Variants in RASGRF1 observed in about 807,000 individuals in gnomAD.
RASGRF1 encodes the protein ras-specific guanine nucleotide-releasing factor 1.
A neutral mutation model predicts 138.7 loss-of-function variants in RASGRF1; 40 were observed. That is an observed-to-expected ratio of 0.29 (90% confidence interval 0.22 to 0.38). The LOEUF (loss-of-function observed/expected upper bound fraction) is 0.38. RASGRF1 is among the 10% of genes least tolerant of loss of function. RASGRF1 has a pLI of 1.00. For synonymous variants in RASGRF1, 614 were observed against 663.2 expected (o/e 0.93, Z 1.14); for missense variants, 1,108 against 1,650.4 (o/e 0.67, Z 5.69).
chr15:79,077,536 A>G (rs908877036), intron 1 of RASGRF1, among the ~76,000 whole-genome samples: 5 of 152,200 alleles, frequency 3.3e-5, no homozygotes, highest in African/African-American at 1.2e-4. Flanking sequence ...CACACAACGT[A>G]GGATCCAGCC....
intron 5 of RASGRF1, among the ~76,000 whole-genome samples, chr15:79,041,590 T>C (rs1371123138): frequency 1.3e-5 from 2 of 152,236 alleles, no homozygotes; most frequent in Non-Finnish European, 2.9e-5. Flanking sequence ...GTAGGACTGC[T>C]GTTGGAAGGA....
chr15:79,005,963 G>C (rs2056663358), intron 14 of RASGRF1, among the ~76,000 whole-genome samples: 1 of 152,132 alleles, frequency 6.6e-6, no homozygotes, highest in Non-Finnish European at 1.5e-5. Context: ...AGCTGAGACT[G>C]AGCAGTAGCA....
chr15:79,025,599 A>G lies in RASGRF1; in HGVS notation c.1382-125T>C, dbSNP rs933428255. On this transcript the variant is annotated intron_variant, in intron 9 of 26. Transcript: ENST00000558480. ...CAAGTCCATTCTGTTTCCCAGTAGCAAATGTGCCCCTGGGATACTCCTTTA... is the reference window on the plus strand; with the variant it reads ...CAAGTCCATTCTGTTTCCCAGTAGCGAATGTGCCCCTGGGATACTCCTTTA... 8.4e-6 allele frequency: 10 copies of G among 1,191,726 alleles called. No individual in the cohort carries two copies. The African/African-American group carries it at 1.5e-4, about 18-fold the overall frequency. The allele number at this position is 1,191,726 out of a possible 1,614,324, so 73.8% of individuals were successfully genotyped here.
intron 3 of RASGRF1, among the ~76,000 whole-genome samples, chr15:79,052,446 C>G (rs1286468210): frequency 1.3e-5 from 2 of 152,212 alleles, no homozygotes; most frequent in African/African-American, 4.8e-5. Flanking sequence ...CATCCAAGCC[C>G]AACAGGTGCC....
Position 79,046,234 on chromosome 15 carries a change from T to C in RASGRF1, c.878+512A>G, listed in dbSNP as rs981452635. Among the ~76,000 whole-genome samples, 2 of 152,326 alleles carry C rather than the reference T, an allele frequency of 1.3e-5. No individual in the cohort carries two copies. Among genetic ancestry groups the C allele is most frequent in the East Asian group, 1.9e-4 (1 of 5,184 alleles). ...CAACCTGGCCTCCAGGTCATTATGA[T>C]GGTATCAAGGTCAAAGAATAAGGTA... On this transcript the variant is annotated intron_variant, in intron 5 of 26. Coordinates refer to ENST00000558480, the MANE Select transcript of RASGRF1 (RefSeq NM_001145648.3). This position sits in a 1 kb window ranked among gnomAD's most constrained non-coding sequence, Gnocchi z 5.3.
chr15:79,082,740 C>T (rs901715324), intron 1 of RASGRF1, among the ~76,000 whole-genome samples: 1 of 152,216 alleles, frequency 6.6e-6, no homozygotes, highest in Admixed American at 6.5e-5. Flanking sequence ...AAAGCTCCTG[C>T]AGCAATCATC....
chr15:79,034,213 T>A (rs2057186126), intron 6 of RASGRF1, among the ~76,000 whole-genome samples: 1 of 151,994 alleles, frequency 6.6e-6, no homozygotes. Flanking sequence ...TTCCTTTACT[T>A]CCCTAAGCCA....
chr15:79,013,997 C>A (rs2056839685), intron 13 of RASGRF1, among the ~76,000 whole-genome samples: 2 of 152,016 alleles, frequency 1.3e-5, no homozygotes, highest in East Asian at 3.9e-4. Context: ...TTTTAAACAA[C>A]CTAATACAGA....
In RASGRF1 at chr15:79,021,682, G is replaced by A. The variant is rs138479245; in HGVS notation, c.1543-1578C>T. Among the ~76,000 whole-genome samples, 178 of 152,304 alleles carry A rather than the reference G, an allele frequency of 1.2e-3. 1 individual carries two copies. The highest frequency in any genetic ancestry group is 4.0e-3 in the African/African-American group (168 of 41,574). ...CTAGAGCATAGTGATTAAGAACACA[G>A]ACTCTGGAGCCAGACTGGCTGGGTT... On this transcript the variant is annotated intron_variant, in intron 10 of 26. Transcript: ENST00000558480.
At chr15:79,028,966 G>A (rs181316972) in intron 8 of RASGRF1, among the ~76,000 whole-genome samples, 1 of 152,310 alleles carries the variant, frequency 6.6e-6, no homozygotes, top group African/African-American at 2.4e-5. Context: ...AGAATGCTGG[G>A]GCAAAGGTGG....
intron 24 of RASGRF1, chr15:78,979,035 A>C: frequency 7.7e-7 from 1 of 1,293,064 alleles, no homozygotes; most frequent in Non-Finnish European, 1.0e-6. Context: ...GCGGCAGACG[A>C]GGAAGCCAGC....
rs185089978 is a variant in RASGRF1, at chr15:78,986,809, G to T, written c.3217-1605C>A. The stretch of plus-strand genomic sequence containing the variant: ...CTAAAGGATGCTCATCAAGAAAAAT[G>T]AATTGTAAAACTACTTAAGAATGGA... On this transcript the variant is annotated intron_variant, in intron 22 of 26. Transcript: ENST00000558480. Among the ~76,000 whole-genome samples the T allele has an allele frequency of 3.9e-5, 6 of 152,278 alleles. No homozygotes were observed. The East Asian group carries it at 9.6e-4, about 24-fold the overall frequency.
chr15:79,077,831 C>T (rs926402564), intron 1 of RASGRF1, among the ~76,000 whole-genome samples: 2 of 151,186 alleles, frequency 1.3e-5, no homozygotes, highest in East Asian at 3.9e-4. Context: ...TCCTTGCCCC[C>T]TCCAATTCAT....
At chr15:79,049,441 C>A (rs898111375) in intron 4 of RASGRF1, 55 bp downstream of exon 4, 2 of 1,531,632 alleles carry the variant, frequency 1.3e-6, no homozygotes, top group Admixed American at 3.5e-5. Context: ...CAACCCTGGG[C>A]TGGCTCTCTA....
chr15:78,980,562 C>T, intron 24 of RASGRF1, 58 bp downstream of exon 24: 1 of 1,423,094 alleles, frequency 7.0e-7, no homozygotes, highest in Non-Finnish European at 9.9e-7. Context: ...ACGTGAATGC[C>T]TCTGCAATGC....
intron 11 of RASGRF1, 125 bp downstream of exon 11, chr15:79,019,916 T>A: frequency 3.5e-6 from 4 of 1,158,982 alleles, no homozygotes; most frequent in Non-Finnish European, 5.0e-6. Flanking sequence ...TGTGTGGACC[T>A]CCCCTCCGCA....
intron 5 of RASGRF1, among the ~76,000 whole-genome samples, chr15:79,036,781 G>C (rs1288909845): frequency 6.6e-6 from 1 of 151,966 alleles, no homozygotes; most frequent in Non-Finnish European, 1.5e-5. Flanking sequence ...AGGGGTGAGG[G>C]AGATAAGAGA....
At chr15:79,055,104 A>T (rs1311803303) in intron 3 of RASGRF1, among the ~76,000 whole-genome samples, 1 of 152,144 alleles carries the variant, frequency 6.6e-6, no homozygotes, top group Non-Finnish European at 1.5e-5. Flanking sequence ...TTCAGCCAGG[A>T]GATCCAGTGG....
At chr15:79,053,736 G>A (rs1000091146) in intron 3 of RASGRF1, among the ~76,000 whole-genome samples, 2 of 152,226 alleles carry the variant, frequency 1.3e-5, no homozygotes, top group Non-Finnish European at 2.9e-5. Flanking sequence ...CAGGATGGAG[G>A]GCACAGAGGG....
Sources: allele counts gnomAD v4.1 joint callset (sites outside exome capture counted in the v4.1 genomes callset), GRCh38; gene constraint gnomAD v4.1.1; non-coding constraint Gnocchi (gnomAD v3.1); transcripts MANE v1.5; gene names NCBI Gene and HGNC (gene_info 2026-07-23, HGNC 2026-07-21).